The following THOC2 variants were observed in gnomAD, a reference collection of about 807,000 sequenced individuals.
THOC2 encodes THO complex subunit 2, also known as THO complex 2.
In THOC2, 10 loss-of-function variants were observed where a neutral mutation model predicts 128.4. That is an observed-to-expected ratio of 0.08 (90% CI 0.05 to 0.13). THOC2 has a LOEUF of 0.13. Ranked by LOEUF, THOC2 falls within the 10% of genes least tolerant of loss-of-function variation. The probability of loss-of-function intolerance (pLI) is 1.00; values close to 1 mark genes in which losing one functional copy is unlikely to be tolerated. For synonymous variants in THOC2, 393 were observed against 396.9 expected (o/e 0.99, Z 0.12); for missense variants, 535 against 1,155.7 (o/e 0.46, Z 7.79).
chrX:123,686,496 C>G (rs2050007410), intron 8 of THOC2, 52 bp downstream of exon 8: 1 of 986,070 alleles, frequency 1.0e-6, no homozygotes, highest in South Asian at 2.6e-5. Flanking sequence ...ATTATATAAA[C>G]AAGATTAAGA....
At chrX:123,623,724 A>G in intron 28 of THOC2, 63 bp downstream of exon 28, 1 of 1,201,240 alleles carries the variant, frequency 8.3e-7, no homozygotes, top group South Asian at 1.8e-5. Flanking sequence ...AAAACATTTT[A>G]AAGTCTTCAG....
At chrX:123,720,613 A>G (rs1267943806) in intron 1 of THOC2, among the ~76,000 whole-genome samples, 1 of 111,784 alleles carries the variant, frequency 8.9e-6, no homozygotes, top group Admixed American at 9.6e-5. Context: ...CTGCACTCCC[A>G]TGTTCACTGC....
At position 123,636,009 on chromosome X, in the gene THOC2, G is replaced by C; in HGVS notation, c.2018+70C>G. 4 of 799,907 alleles carry C rather than the reference G, an allele frequency of 5.0e-6. 1 individual carries two copies. The South Asian group carries it at 1.1e-4, about 22-fold the overall frequency. The allele number at this position is 799,907 out of a possible 1,213,427, so 65.9% of individuals were successfully genotyped here. On this transcript the variant is annotated intron_variant, in intron 19 of 38. Transcript: ENST00000245838. Reference sequence around the variant, plus strand: ...AAATAAGTAGTCTTTCGGGATAACAGAGTCTCAATAACCCCAAACCACCAA... The same window carrying C: ...AAATAAGTAGTCTTTCGGGATAACACAGTCTCAATAACCCCAAACCACCAA...
At chrX:123,677,607 G>A (rs1230141852) in intron 8 of THOC2, among the ~76,000 whole-genome samples, 3 of 111,368 alleles carry the variant, frequency 2.7e-5, no homozygotes, top group South Asian at 3.8e-4. Flanking sequence ...AGTGGCTCAC[G>A]CCTGTAATCC....
intron 22 of THOC2, among the ~76,000 whole-genome samples, chrX:123,629,651 A>G (rs2047399579): frequency 9.0e-6 from 1 of 111,642 alleles, no homozygotes; most frequent in Non-Finnish European, 1.9e-5. Context: ...CACTGAGACC[A>G]CGTAAGTGAC....
At chrX:123,699,781 G>T (rs756572039) in intron 4 of THOC2, among the ~76,000 whole-genome samples, 22 of 111,830 alleles carry the variant, frequency 2.0e-4, no homozygotes, top group Non-Finnish European at 3.6e-4. Context: ...AATTATTTTA[G>T]CTCATTAATC....
chrX:123,711,744 A>G (rs919684197), intron 2 of THOC2, among the ~76,000 whole-genome samples: 1 of 110,255 alleles, frequency 9.1e-6, no homozygotes, highest in Non-Finnish European at 1.9e-5. Flanking sequence ...GATTGCACCA[A>G]TGCACTCCAG....
chrX:123,601,373 G>T (rs376072886), intron 38 of THOC2, 35 bp from the exon 39 acceptor site: 6 of 106,591 alleles, frequency 5.6e-5, no homozygotes, highest in African/African-American at 2.1e-4. Context: ...TGATAGAGAA[G>T]AAGGAAGGAA....
intron 15 of THOC2, among the ~76,000 whole-genome samples, chrX:123,641,637 T>C (rs1052661901): frequency 1.8e-5 from 2 of 111,514 alleles, no homozygotes; most frequent in Non-Finnish European, 3.8e-5. Context: ...CTCCCTCTAC[T>C]TGCCAAGGCC....
intron 20 of THOC2, among the ~76,000 whole-genome samples, chrX:123,633,498 G>A (rs891415073): frequency 4.5e-5 from 5 of 111,586 alleles, no homozygotes; most frequent in African/African-American, 1.6e-4. Context: ...CGCCTCCTGG[G>A]TTCAAGCAAT....
At chrX:123,692,494 C>CTTTTT (rs984272905) in intron 7 of THOC2, among the ~76,000 whole-genome samples, 20 of 56,924 alleles carry the variant, frequency 3.5e-4, no homozygotes, top group Non-Finnish European at 5.7e-4. Flanking sequence ...AAATAACTGC[C>CTTTTT]TTTTTTTTTT....
intron 4 of THOC2, among the ~76,000 whole-genome samples, chrX:123,701,648 A>T (rs368936177): frequency 2.7e-5 from 3 of 110,287 alleles, no homozygotes; most frequent in South Asian, 7.8e-4. Flanking sequence ...AATTTATAGT[A>T]AAAATATTTT....
intron 2 of THOC2, among the ~76,000 whole-genome samples, chrX:123,707,157 T>C (rs2050967907): frequency 8.9e-6 from 1 of 112,080 alleles, no homozygotes; most frequent in Non-Finnish European, 1.9e-5. Flanking sequence ...TCCACTACTA[T>C]AACTACAGCT....
At chrX:123,632,663 C>T (rs1021173486) in intron 21 of THOC2, among the ~76,000 whole-genome samples, 198 bp downstream of exon 21, 1 of 111,003 alleles carries the variant, frequency 9.0e-6, no homozygotes, top group Non-Finnish European at 1.9e-5. Context: ...GACAGCCTTA[C>T]ATATAACATC....
intron 12 of THOC2, among the ~76,000 whole-genome samples, chrX:123,662,449 G>A (rs1255955716): frequency 1.3e-4 from 14 of 109,128 alleles, no homozygotes; most frequent in South Asian, 4.0e-4. Context: ...TTAGCCGGGC[G>A]TGGTGGTGGG....
In THOC2 at chrX:123,607,453, T is replaced by TTTAG. The variant is rs1475779925; in HGVS notation, c.*18+3464_*18+3465insCTAA. On this transcript the variant is annotated intron_variant, in intron 38 of 38. Coordinates refer to ENST00000245838, the MANE Select transcript of THOC2 (RefSeq NM_001081550.2). ...ACCATGCCTAGCTAAGTTTTATTTA[T>TTTAG]TTATTTATTTATTTATTTATTTATT... is the stretch of plus-strand genomic sequence containing the variant. 4.6e-4 allele frequency among the ~76,000 whole-genome samples: 46 copies of TTTAG among 99,760 alleles called. 2 individuals carry two copies. The East Asian group carries it at 0.012, about 25-fold the overall frequency. The allele number at this position is 99,760 out of a possible 115,157, so 86.6% of individuals were successfully genotyped here.
chrX:123,719,144 T>G (rs2051570569), intron 1 of THOC2, among the ~76,000 whole-genome samples: 1 of 106,332 alleles, frequency 9.4e-6, no homozygotes, highest in Non-Finnish European at 1.9e-5. Flanking sequence ...TGCCACTGCA[T>G]TCCAGCCTGG....
intron 2 of THOC2, among the ~76,000 whole-genome samples, chrX:123,709,725 A>G (rs778960263): frequency 8.9e-6 from 1 of 111,993 alleles, no homozygotes; most frequent in South Asian, 3.7e-4. Context: ...ACAATAATGT[A>G]CTGTTTATTT....
chrX:123,645,665 T>C (rs1381019808), intron 12 of THOC2, among the ~76,000 whole-genome samples: 1 of 112,777 alleles, frequency 8.9e-6, no homozygotes, highest in Non-Finnish European at 1.9e-5. Context: ...GAATTTATTA[T>C]AAAAGTGTAG....
Sources: allele counts gnomAD v4.1 joint callset (sites outside exome capture counted in the v4.1 genomes callset), GRCh38; gene constraint gnomAD v4.1.1; transcripts MANE v1.5; gene names NCBI Gene and HGNC (gene_info 2026-07-23, HGNC 2026-07-21).